ANK1: variants seen among roughly 807,000 people sequenced by gnomAD.
ANK1 encodes ankyrin 1, also known as ankyrin-1.
In ANK1, 51 loss-of-function variants were observed where a neutral mutation model predicts 210.4. The ratio of observed to expected loss-of-function variants is 0.24; its 90% CI spans 0.19 to 0.31. The LOEUF is 0.31. Among genes scored for constraint, ANK1 ranks in the 10% least tolerant of loss-of-function variants. The pLI is 1.00. For missense variants in ANK1, 2,051 were observed against 2,504.4 expected (o/e 0.82, Z 3.86); for synonymous variants, 967 against 1,025.9 (o/e 0.94, Z 1.10).
At chr8:41,886,086 G>A (rs953728373) in intron 1 of ANK1, among the ~76,000 whole-genome samples, 1 of 152,192 alleles carries the variant, frequency 6.6e-6, no homozygotes, top group Non-Finnish European at 1.5e-5. Context: ...GATTAAAGAG[G>A]AAAACTCCAA....
At chr8:41,747,600 C>A (rs1363943565) in intron 2 of ANK1, among the ~76,000 whole-genome samples, 1 of 152,144 alleles carries the variant, frequency 6.6e-6, no homozygotes, top group Non-Finnish European at 1.5e-5. Flanking sequence ...ATAAGGTTTG[C>A]AGAATTCAAT....
At chr8:41,696,609 G>T (rs368556439) in intron 25 of ANK1, 22 bp from the exon 26 acceptor site, 3 of 1,612,358 alleles carry the variant, frequency 1.9e-6, no homozygotes, top group Admixed American at 3.3e-5. Flanking sequence ...GCAGATGCAC[G>T]TTGGGCTTCT....
At chr8:41,718,323 C>T in intron 10 of ANK1, 119 bp from the exon 11 acceptor site, 1 of 848,490 alleles carries the variant, frequency 1.2e-6, no homozygotes, top group African/African-American at 1.7e-5. Context: ...CAGCAGATGC[C>T]CATAGACCAA....
At chr8:41,701,030 A>G (rs1469685326) in intron 22 of ANK1, among the ~76,000 whole-genome samples, 1 of 152,170 alleles carries the variant, frequency 6.6e-6, no homozygotes, top group African/African-American at 2.4e-5. Context: ...CGGCTGCCCA[A>G]AGTTCTGGGA....
At chr8:41,670,683 GC>G in intron 38 of ANK1, among the ~76,000 whole-genome samples, 1 of 152,334 alleles carries the variant, frequency 6.6e-6, no homozygotes, top group East Asian at 1.9e-4. Flanking sequence ...CTGTGGAATG[GC>G]CCCACTAGCC....
chr8:41,856,343 A>G (rs1035884580), intron 1 of ANK1, among the ~76,000 whole-genome samples: 4 of 152,226 alleles, frequency 2.6e-5, no homozygotes, highest in Admixed American at 1.3e-4. Context: ...TAATGTTAAC[A>G]CCAACAGGAG....
chr8:41,692,229 G>C (rs530704776), intron 31 of ANK1, among the ~76,000 whole-genome samples: 2 of 152,144 alleles, frequency 1.3e-5, no homozygotes, highest in East Asian at 3.9e-4. Flanking sequence ...GCTAATTTTT[G>C]TATTTTTAGT....
chr8:41,884,642 C>A (rs932919072), intron 1 of ANK1, among the ~76,000 whole-genome samples: 5 of 152,118 alleles, frequency 3.3e-5, no homozygotes, highest in African/African-American at 1.2e-4. Flanking sequence ...GGAGACCAGC[C>A]TGGGCAACAT....
rs187636116 is a variant in ANK1 at position 41,757,586 on chromosome 8, C to T, written c.129+450G>A. On this transcript the variant is annotated intron_variant, in intron 2 of 42. Coordinates refer to ENST00000289734, the MANE Select transcript of ANK1 (RefSeq NM_000037.4). Reference sequence around the variant, plus strand: ...CCACCATCCTCAACCCGAGCCCACTCGCCTTTGTCAGCACCTAACACAAGC... The same window carrying T: ...CCACCATCCTCAACCCGAGCCCACTTGCCTTTGTCAGCACCTAACACAAGC... 3.9e-5 allele frequency among the ~76,000 whole-genome samples: 6 copies of T among 152,344 alleles called. No individual in the cohort carries two copies. The East Asian group carries it at 7.7e-4, about 20-fold the overall frequency.
At chr8:41,679,417 G>A (rs949411103) in intron 37 of ANK1, among the ~76,000 whole-genome samples, 20 of 152,102 alleles carry the variant, frequency 1.3e-4, no homozygotes, top group African/African-American at 4.8e-4. Context: ...CTGAACAAAG[G>A]CCGTGAGAGA....
intron 1 of ANK1, among the ~76,000 whole-genome samples, chr8:41,856,673 C>CA (rs1449784334): frequency 1.3e-5 from 2 of 151,888 alleles, no homozygotes; most frequent in South Asian, 2.1e-4. Flanking sequence ...ACATGATGCT[C>CA]AAAAAACAAT....
chr8:41,718,043 T>G (rs1321518405), intron 11 of ANK1, 63 bp downstream of exon 11: 14 of 1,508,164 alleles, frequency 9.3e-6, no homozygotes, highest in African/African-American at 2.8e-5. Context: ...GAGCGACTCT[T>G]GGAGAAGGTG....
Position 41,864,139 on chromosome 8 carries a change from A to G in ANK1, c.126+32216T>C, listed in dbSNP as rs576514414. Among the ~76,000 whole-genome samples the G allele has an allele frequency of 2.0e-5, 3 of 151,660 alleles. No homozygotes were observed. In the South Asian group the frequency reaches 6.2e-4, roughly 32 times the overall value. On this transcript the variant is annotated intron_variant, in intron 1 of 42. Coordinates refer to the ANK1 transcript ENST00000265709. ...GCGGCAGGTGCCTGTAGTCCTAGCT[A>G]CTCAGGAGGCTGAGGCAGAAGAATG...
At chr8:41,731,403 C>G (rs897193378) in intron 3 of ANK1, among the ~76,000 whole-genome samples, 6 of 152,066 alleles carry the variant, frequency 3.9e-5, no homozygotes, top group Admixed American at 6.6e-5. Flanking sequence ...AGAGAGCAGG[C>G]TTTTTTCCAG....
chr8:41,896,671 G>T (rs1255399987), exon 1 of ANK1: 1 of 630,656 alleles, frequency 1.6e-6, no homozygotes, highest in Non-Finnish European at 2.2e-6. Context: ...GGCGAGGGGC[G>T]GCTGCCCGCG....
chr8:41,680,816 A>G (rs1320426658), intron 37 of ANK1, among the ~76,000 whole-genome samples: 1 of 152,166 alleles, frequency 6.6e-6, no homozygotes, highest in African/African-American at 2.4e-5. Context: ...CCTCATGAGG[A>G]ACATCTCACA....
upstream of ANK1, among the ~76,000 whole-genome samples, chr8:41,802,412 A>G (rs1032855292): frequency 3.3e-4 from 51 of 152,280 alleles, no homozygotes; most frequent in African/African-American, 1.2e-3. Flanking sequence ...TGATTAGCCC[A>G]TCCTCTCCCA....
intron 29 of ANK1, among the ~76,000 whole-genome samples, 175 bp from the exon 30 acceptor site, chr8:41,693,376 C>T (rs946412812): frequency 5.3e-5 from 8 of 150,800 alleles, no homozygotes; most frequent in African/African-American, 1.9e-4. Context: ...CTGCATGCCC[C>T]TCCTCCTAGG....
At chr8:41,889,219 T>C (rs1234362733) in intron 1 of ANK1, among the ~76,000 whole-genome samples, 1 of 152,138 alleles carries the variant, frequency 6.6e-6, no homozygotes, top group Non-Finnish European at 1.5e-5. Context: ...GCACAACCAA[T>C]ACCTGGGGGA....
Sources: allele counts gnomAD v4.1 joint callset (sites outside exome capture counted in the v4.1 genomes callset), GRCh38; gene constraint gnomAD v4.1.1; transcripts MANE v1.5; gene names NCBI Gene and HGNC (gene_info 2026-07-23, HGNC 2026-07-21).